LHPP: variants seen among roughly 807,000 people sequenced by gnomAD.
The protein encoded by LHPP is phospholysine phosphohistidine inorganic pyrophosphate phosphatase, also known as hLHPP.
A neutral mutation model predicts 30.3 loss-of-function variants in LHPP; 24 were observed. That is an observed-to-expected ratio of 0.79 (90% CI 0.57 to 1.11). The LOEUF is 1.11. Among genes scored for constraint, LHPP ranks in the 50% most tolerant of loss-of-function variants. The probability of loss-of-function intolerance (pLI) is 0.00; values close to 1 mark genes in which losing one functional copy is unlikely to be tolerated. For synonymous variants in LHPP, 150 were observed against 157.1 expected (o/e 0.95, Z 0.34); for missense variants, 356 against 367.2 (o/e 0.97, Z 0.25).
Position 124,498,032 on chromosome 10 carries a change from C to G in LHPP, c.532-4C>G. On this transcript the variant is annotated splice_region_variant and splice_polypyrimidine_tract_variant and intron_variant, in intron 4 of 6. Transcript: ENST00000368842. ...TTATGCCATGTCCCTCTCTCTTTTC[C>G]CAGTATGCCTGTGGCATCAAAGCCG... 2.5e-6 allele frequency: 4 copies of G among 1,612,554 alleles called. No homozygotes were observed. Among genetic ancestry groups the G allele is most frequent in the African/African-American group, 1.3e-5 (1 of 74,882 alleles).
In LHPP at chr10:124,506,986, GA is replaced by G. The variant is rs1387807450; in HGVS notation, c.624+8859del. 1.6e-3 allele frequency among the ~76,000 whole-genome samples: 28 copies of G among 17,006 alleles called. 1 individual carries two copies. The highest frequency in any genetic ancestry group is 3.3e-3 in the Non-Finnish European group (23 of 6,948). The allele number at this position is 17,006 out of a possible 152,430, so 11.2% of individuals were successfully genotyped here. On this transcript the variant is annotated intron_variant, in intron 5 of 6. Coordinates refer to ENST00000368842, the MANE Select transcript of LHPP (RefSeq NM_022126.4). The stretch of plus-strand genomic sequence containing the variant: ...TGGGCGGGTAGACAGGATTTCAGGT[GA>G]GGGGGGTAGGGAGGATTTCAGGTCG...
At chr10:124,500,174 CT>C (rs1953856864) in intron 5 of LHPP, among the ~76,000 whole-genome samples, 1 of 151,348 alleles carries the variant, frequency 6.6e-6, no homozygotes, top group Non-Finnish European at 1.5e-5. Context: ...CTTTTTTTTC[CT>C]TTTAAAAAAT....
At chr10:124,533,336 CT>C (rs1954943039) in intron 6 of LHPP, among the ~76,000 whole-genome samples, 1 of 152,236 alleles carries the variant, frequency 6.6e-6, no homozygotes, top group African/African-American at 2.4e-5. Flanking sequence ...CCTGCCTTCA[CT>C]TTGTGCAGAG....
At chr10:124,560,697 T>C (rs929736374) in intron 6 of LHPP, among the ~76,000 whole-genome samples, 1 of 152,136 alleles carries the variant, frequency 6.6e-6, no homozygotes, top group Non-Finnish European at 1.5e-5. Flanking sequence ...GGCTGGAGCC[T>C]GGCCGGCCCA....
intron 1 of LHPP, among the ~76,000 whole-genome samples, chr10:124,475,173 C>T (rs145426438): frequency 1.4e-3 from 206 of 151,946 alleles, no homozygotes; most frequent in Non-Finnish European, 2.6e-3. Context: ...CAGGTGTGCA[C>T]CACCACACCC....
chr10:124,581,772 C>T (rs780663445), intron 6 of LHPP, among the ~76,000 whole-genome samples: 1 of 71,774 alleles, frequency 1.4e-5, no homozygotes, highest in African/African-American at 8.7e-5. Context: ...TGTATATACA[C>T]ACACACACAC....
At chr10:124,520,798 AG>A (rs1364722642) in intron 6 of LHPP, among the ~76,000 whole-genome samples, 1 of 152,188 alleles carries the variant, frequency 6.6e-6, no homozygotes, top group African/African-American at 2.4e-5. Context: ...GGCGAGCCGC[AG>A]GGGGTGACTT....
At chr10:124,539,713 G>A (rs1955132807) in intron 6 of LHPP, among the ~76,000 whole-genome samples, 1 of 143,068 alleles carries the variant, frequency 7.0e-6, no homozygotes. Flanking sequence ...TCTAGCCTGG[G>A]CGACAGAGCA....
intron 5 of LHPP, among the ~76,000 whole-genome samples, chr10:124,512,475 G>T (rs1954327007): frequency 6.6e-6 from 1 of 151,934 alleles, no homozygotes; most frequent in South Asian, 2.1e-4. Context: ...CAAACAGCGG[G>T]GCATGGTGGC....
rs187131408 is a variant in LHPP, at chr10:124,478,598, G to A, written c.126-5541G>A. On this transcript the variant is annotated intron_variant, in intron 1 of 6. Transcript: ENST00000368842. This position sits in a 1 kb window ranked among gnomAD's most constrained non-coding sequence, Gnocchi z 4.7. ...TAATGAGAGGGTTTTCATTATTTGC[G>A]GGTGAGCGCTCCTGGCAGATGCCAA... is the stretch of plus-strand genomic sequence containing the variant. 6.6e-6 allele frequency among the ~76,000 whole-genome samples: 1 copy of A among 152,366 alleles called. No homozygotes were observed. The highest frequency in any genetic ancestry group is 2.1e-4 in the South Asian group (1 of 4,826).
chr10:124,610,443 CGGGTGAGGGTGAGGGTGA>C (rs759692287), intron 6 of LHPP, among the ~76,000 whole-genome samples: 4 of 42,938 alleles, frequency 9.3e-5, no homozygotes, highest in Admixed American at 2.6e-4. Context: ...GCTGATGCAG[CGGGTGAGGGTGAGGGTGA>C]GGGTGAGGGT....
At chr10:124,511,930 A>G (rs1164555885) in intron 5 of LHPP, among the ~76,000 whole-genome samples, 4 of 152,078 alleles carry the variant, frequency 2.6e-5, no homozygotes, top group Admixed American at 6.5e-5. Context: ...TCCATGTCCT[A>G]CAACCTGGTT....
chr10:124,564,730 A>G (rs1485014118), intron 6 of LHPP, among the ~76,000 whole-genome samples: 1 of 152,196 alleles, frequency 6.6e-6, no homozygotes, highest in African/African-American at 2.4e-5. Context: ...GGCTGGGGAC[A>G]GTGCACTGTG....
At chr10:124,571,686 T>C (rs565410615) in intron 6 of LHPP, among the ~76,000 whole-genome samples, 162 of 75,776 alleles carry the variant, frequency 2.1e-3, no homozygotes, top group Middle Eastern at 6.2e-3. Flanking sequence ...ACTTTTTGTG[T>C]TTTTTTGCTG....
At chr10:124,521,895 C>T (rs770069517) in intron 6 of LHPP, among the ~76,000 whole-genome samples, 1 of 152,202 alleles carries the variant, frequency 6.6e-6, no homozygotes, top group African/African-American at 2.4e-5. Flanking sequence ...ACAATTGTTT[C>T]TGAGGCAGCT....
intron 1 of LHPP, among the ~76,000 whole-genome samples, chr10:124,468,298 G>A (rs1032667237): frequency 3.3e-5 from 5 of 152,100 alleles, no homozygotes; most frequent in Admixed American, 3.3e-4. Flanking sequence ...TCTAGCTGGG[G>A]GTGTCTCTGG....
chr10:124,469,908 A>T (rs1274845488), intron 1 of LHPP, among the ~76,000 whole-genome samples: 1 of 152,086 alleles, frequency 6.6e-6, no homozygotes, highest in Non-Finnish European at 1.5e-5. Context: ...GGATTGGAGG[A>T]TGCTGAGCGA....
chr10:124,469,338 G>A (rs867902820), intron 1 of LHPP, among the ~76,000 whole-genome samples: 4 of 152,074 alleles, frequency 2.6e-5, no homozygotes, highest in South Asian at 2.1e-4. Context: ...TGGATTTTCT[G>A]TGATGATGGG....
At chr10:124,479,702 C>G (rs963149210) in intron 1 of LHPP, among the ~76,000 whole-genome samples, 1 of 152,218 alleles carries the variant, frequency 6.6e-6, no homozygotes, top group African/African-American at 2.4e-5. Context: ...CTGATCCTGT[C>G]ATGTGGGAGT....
Sources: allele counts gnomAD v4.1 joint callset (sites outside exome capture counted in the v4.1 genomes callset), GRCh38; gene constraint gnomAD v4.1.1; non-coding constraint Gnocchi (gnomAD v3.1); transcripts MANE v1.5; gene names NCBI Gene and HGNC (gene_info 2026-07-23, HGNC 2026-07-21).